Variants in CYRIB observed in about 807,000 individuals in gnomAD.
CYRIB encodes the protein CYFIP-related Rac1 interactor B.
CYRIB carries 8 observed loss-of-function variants against 44.2 expected under a neutral mutation model. The observed-to-expected ratio is 0.18, with a 90% CI of 0.11 to 0.33. CYRIB has a LOEUF of 0.33. CYRIB is among the 10% of genes least tolerant of loss of function. CYRIB has a pLI of 1.00. For synonymous variants in CYRIB, 131 were observed against 127.2 expected, an observed-to-expected ratio of 1.03 and a Z score of -0.20; for missense variants, 185 against 382.8, an observed-to-expected ratio of 0.48 and a Z score of 4.31.
Position 129,855,505 on chromosome 8 carries a change from A to C in CYRIB, c.438+106T>G, listed in dbSNP as rs567348177. 29 of 1,225,978 alleles carry C rather than the reference A, an allele frequency of 2.4e-5. No individual in the cohort carries two copies. The East Asian group carries it at 6.8e-4, about 29-fold the overall frequency. 75.9% of individuals were successfully genotyped at this position (1,225,978 alleles called of 1,614,324 possible). On this transcript the variant is annotated intron_variant, in intron 6 of 11. Coordinates refer to ENST00000519824, the Ensembl canonical transcript of CYRIB. ...CTTTGCATTTTTATTAAGGTCTAGC[A>C]GACATCATTTAAATACATTTTAACA... is the stretch of plus-strand genomic sequence containing the variant.
At chr8:129,905,230 G>T (rs139945442) in intron 1 of CYRIB, among the ~76,000 whole-genome samples, 2 of 151,960 alleles carry the variant, frequency 1.3e-5, no homozygotes, top group African/African-American at 4.8e-5. Flanking sequence ...TTGATTGATT[G>T]ATTTTGAGAT....
chr8:129,936,793 G>T (rs934644465), intron 1 of CYRIB, among the ~76,000 whole-genome samples: 1 of 141,982 alleles, frequency 7.0e-6, no homozygotes, highest in African/African-American at 2.6e-5. Flanking sequence ...TGCAAGCTCC[G>T]CCTCCCGGGT....
intron 1 of CYRIB, among the ~76,000 whole-genome samples, chr8:129,923,319 G>C (rs2085053319): frequency 6.6e-6 from 1 of 151,838 alleles, no homozygotes; most frequent in South Asian, 2.1e-4. Context: ...TTGTCACCCA[G>C]GCTGGAGTGC....
At chr8:129,845,342 T>A (rs1006714585) in intron 11 of CYRIB, among the ~76,000 whole-genome samples, 1 of 151,978 alleles carries the variant, frequency 6.6e-6, no homozygotes, top group African/African-American at 2.4e-5. Flanking sequence ...GGGAGAAAAA[T>A]CAGGTTGACT....
chr8:129,939,459 C>G (rs1232648759), intron 1 of CYRIB: 1 of 147,358 alleles, frequency 6.8e-6, no homozygotes, highest in Non-Finnish European at 1.5e-5. Flanking sequence ...GTCGCGGGGC[C>G]GGGGGCGGGC....
chr8:129,984,846 C>G (rs1333871242), intron 1 of CYRIB, among the ~76,000 whole-genome samples: 3 of 152,182 alleles, frequency 2.0e-5, no homozygotes, highest in African/African-American at 7.2e-5. Flanking sequence ...GCGATTTCAG[C>G]TCACTGCAAC....
chr8:129,934,974 G>A (rs2092527693), intron 1 of CYRIB, among the ~76,000 whole-genome samples: 1 of 152,156 alleles, frequency 6.6e-6, no homozygotes, highest in African/African-American at 2.4e-5. Context: ...ATAAGCTCTG[G>A]AAAACTTTGT....
At position 129,855,540 on chromosome 8, in the gene CYRIB, G is replaced by A. The variant is rs773105930; in HGVS notation, c.438+71C>T. 2.4e-5 allele frequency: 35 copies of A among 1,475,450 alleles called. No individual in the cohort carries two copies. In the East Asian group the frequency reaches 3.2e-4, roughly 13 times the overall value. 91.4% of individuals were successfully genotyped at this position (1,475,450 alleles called of 1,614,324 possible). On this transcript the variant is annotated intron_variant, in intron 6 of 11. Transcript: ENST00000519824. Reference sequence around the variant, plus strand: ...TAAATACATTTTAACAATGTTTCCCGGCTCTTCCTCCTAGTACTCATTAAA... The same window carrying A: ...TAAATACATTTTAACAATGTTTCCCAGCTCTTCCTCCTAGTACTCATTAAA...
intron 1 of CYRIB, among the ~76,000 whole-genome samples, chr8:129,998,135 A>C (rs895729439): frequency 5.3e-5 from 8 of 151,456 alleles, no homozygotes; most frequent in African/African-American, 1.7e-4. Flanking sequence ...AAAAAAAAAA[A>C]AAACAAAAAA....
intron 1 of CYRIB, among the ~76,000 whole-genome samples, chr8:129,933,975 G>GT (rs1449067373): frequency 6.6e-6 from 1 of 152,060 alleles, no homozygotes; most frequent in African/African-American, 2.4e-5. Context: ...GCTAGTGAGG[G>GT]TTTTTCCAAT....
At chr8:129,887,002 A>C (rs183691176) in intron 2 of CYRIB, among the ~76,000 whole-genome samples, 239 of 152,188 alleles carry the variant, frequency 1.6e-3, no homozygotes, top group Non-Finnish European at 2.3e-3. Flanking sequence ...ATAAAATCCA[A>C]ATTCTTTACC....
intron 7 of CYRIB, among the ~76,000 whole-genome samples, chr8:129,852,575 C>G (rs2043888792): frequency 6.6e-6 from 1 of 152,058 alleles, no homozygotes; most frequent in African/African-American, 2.4e-5. Flanking sequence ...TTGTACCGTC[C>G]TCCATTATGA....
chr8:129,969,147 G>A (rs1441167903), intron 2 of CYRIB, among the ~76,000 whole-genome samples: 1 of 149,084 alleles, frequency 6.7e-6, no homozygotes, highest in East Asian at 2.0e-4. Context: ...CTGAGTAGCT[G>A]GAATTACAGG....
intron 1 of CYRIB, among the ~76,000 whole-genome samples, chr8:130,011,617 A>G (rs1027387370): frequency 1.3e-5 from 2 of 151,988 alleles, no homozygotes; most frequent in Non-Finnish European, 1.5e-5. Context: ...GCAGATTGAG[A>G]CCATCCTAGC....
In CYRIB at chr8:130,015,110, G is replaced by C. The variant is rs565768279; in HGVS notation, c.-296+1260C>G. Among the ~76,000 whole-genome samples the C allele has an allele frequency of 3.9e-5, 6 of 152,352 alleles. No individual in the cohort carries two copies. The East Asian group carries it at 9.6e-4, about 24-fold the overall frequency. ...TATTTTCACAAGATGGTCTTCCTCA[G>C]AGAGGGGAGGAGTCCATCCAACCCA... On this transcript the variant is annotated intron_variant, in intron 1 of 14. Transcript: ENST00000401979.
At chr8:129,965,488 G>A (rs1017668804) in intron 2 of CYRIB, among the ~76,000 whole-genome samples, 8 of 152,158 alleles carry the variant, frequency 5.3e-5, no homozygotes, top group African/African-American at 1.9e-4. Context: ...CAATGGCGGA[G>A]CAATCCACTT....
Position 129,874,131 on chromosome 8 carries a change from A to G in CYRIB, c.74-2635T>C, listed in dbSNP as rs578075936. Reference sequence around the variant, plus strand: ...CCAAGACTTGTCACTTTGATTTTCCATAGAAAAAAATGGCTTTACTATTTA... The same window carrying G: ...CCAAGACTTGTCACTTTGATTTTCCGTAGAAAAAAATGGCTTTACTATTTA... On this transcript the variant is annotated intron_variant, in intron 3 of 11. Coordinates refer to ENST00000519824, the Ensembl canonical transcript of CYRIB. 4.6e-5 allele frequency among the ~76,000 whole-genome samples: 7 copies of G among 152,170 alleles called. No homozygotes were observed. In the South Asian group the frequency reaches 1.4e-3, roughly 32 times the overall value.
intron 1 of CYRIB, among the ~76,000 whole-genome samples, chr8:129,905,201 G>A (rs961970639): frequency 2.3e-4 from 34 of 150,384 alleles, no homozygotes; most frequent in Non-Finnish European, 4.1e-4. Flanking sequence ...CACCCAGGCT[G>A]GATTGATTGA....
chr8:129,882,913 G>A (rs972381355), intron 2 of CYRIB, among the ~76,000 whole-genome samples: 2 of 151,748 alleles, frequency 1.3e-5, no homozygotes, highest in African/African-American at 4.8e-5. Flanking sequence ...AAATGGCTCA[G>A]TTGGCTGGGC....
Sources: gnomAD v4.1 joint callset for allele counts (sites outside exome capture counted in the v4.1 genomes callset) on GRCh38, gnomAD v4.1.1 for gene constraint, MANE v1.5 for transcripts, NCBI Gene and HGNC (gene_info 2026-07-23, HGNC 2026-07-21) for gene names.